Variants in IFT74 observed in about 807,000 individuals in gnomAD.
The protein encoded by IFT74 is intraflagellar transport protein 74 homolog.
IFT74 carries 92 observed loss-of-function variants against 96.7 expected under a neutral mutation model. That is an observed-to-expected ratio of 0.95 (90% CI 0.80 to 1.13). IFT74 has a LOEUF of 1.13. Among genes scored for constraint, IFT74 ranks in the 50% most tolerant of loss-of-function variants. The pLI is 0.00. For missense variants in IFT74, 811 were observed against 698.2 expected (o/e 1.16, Z -1.82); for synonymous variants, 223 against 213.2 (o/e 1.05, Z -0.40).
chr9:27,013,081 A>G (rs1005792942), intron 10 of IFT74, among the ~76,000 whole-genome samples: 52 of 152,242 alleles, frequency 3.4e-4, no homozygotes, highest in Middle Eastern at 3.4e-3. Flanking sequence ...TCAAGTGCTT[A>G]CTGTATGCTT....
At chr9:26,982,356 T>C (rs1388698957) in intron 4 of IFT74, 1 of 443,898 alleles carries the variant, frequency 2.3e-6, no homozygotes, top group South Asian at 1.6e-5. Context: ...TTCCACCGCC[T>C]GGATTCAAGT....
Position 27,060,640 on chromosome 9 carries a change from C to T in IFT74, c.1673C>T (p.Ala558Val), listed in dbSNP as rs199562248. 4.1e-5 allele frequency: 65 copies of T among 1,596,716 alleles called. No individual in the cohort carries two copies. The highest frequency in any genetic ancestry group is 2.0e-4 in the African/African-American group (15 of 74,178). ...KWQHLEQNNF[A>V]MKEFIATKSQ... ...CAACACCTTGAGCAAAATAATTTTG[C>T]GATGAAAGAATGTATCCTTTAAAAA... is the stretch of plus-strand genomic sequence containing the variant. The change falls in exon 19 of 20, where the codon GCG becomes GTG. Residue 558 changes from alanine (A) to valine (V), a missense_variant. Ala to Val is a moderately conservative substitution (Grantham distance 64, BLOSUM62 0). Transcript: ENST00000380062.
chr9:26,961,294 G>A (rs1826346842), intron 1 of IFT74, among the ~76,000 whole-genome samples: 1 of 152,068 alleles, frequency 6.6e-6, no homozygotes, highest in Admixed American at 6.5e-5. Context: ...GTTTCCCTGT[G>A]TTAGCCAGGA....
chr9:26,977,546 TGGCATGATCTC>T (rs2056869092), intron 2 of IFT74, among the ~76,000 whole-genome samples: 1 of 152,206 alleles, frequency 6.6e-6, no homozygotes, highest in African/African-American at 2.4e-5. Context: ...TAGAGTGCAG[TGGCATGATCTC>T]GGCTCACTGC....
In IFT74 at chr9:27,056,352, A is replaced by G; in HGVS notation, c.1516A>G (p.Met506Val). Residue 506 changes from methionine to valine, a missense_variant, in exon 18 of 20, where the codon ATG (methionine) becomes GTG (valine). Transcript: ENST00000380062. ...TTTCTAGAAATTACATCAGGAGAGA[A>G]TGATATTATCAACCCACAGAAATGC... Reference protein sequence around the residue: ...EKIKKLHQERMILSTHRNAFK... With the variant: ...EKIKKLHQERVILSTHRNAFK... 1 of 1,585,650 alleles carries G rather than the reference A, an allele frequency of 6.3e-7. No individual in the cohort carries two copies. Among genetic ancestry groups the G allele is most frequent in the Non-Finnish European group, 8.6e-7 (1 of 1,160,066 alleles).
chr9:26,998,290 G>C, intron 8 of IFT74: 1 of 1,117,916 alleles, frequency 8.9e-7, no homozygotes, highest in Non-Finnish European at 1.2e-6. Flanking sequence ...AAAATTAATA[G>C]AATTTCACCA....
chr9:26,999,765 T>G, intron 8 of IFT74: 1 of 1,120,056 alleles, frequency 8.9e-7, no homozygotes, highest in South Asian at 1.6e-5. Flanking sequence ...TTGAATCTGT[T>G]TATTCTTTTT....
intron 4 of IFT74, 117 bp from the exon 5 acceptor site, chr9:26,984,140 T>C: frequency 2.5e-6 from 2 of 807,546 alleles, no homozygotes; most frequent in Non-Finnish European, 1.8e-6. Flanking sequence ...ATTCTTTTAG[T>C]GAATTTCACA....
chr9:26,989,885 A>G lies in IFT74; in HGVS notation c.526-249A>G, dbSNP rs1827792548. On this transcript the variant is annotated intron_variant, in intron 7 of 19. Coordinates refer to ENST00000380062, the MANE Select transcript of IFT74 (RefSeq NM_025103.4). Reference sequence around the variant, plus strand: ...ACATAAATTGAATTTACATTGAATTATTTGACAGATCACTGAAGAACAATG... The same window carrying G: ...ACATAAATTGAATTTACATTGAATTGTTTGACAGATCACTGAAGAACAATG... Among the ~76,000 whole-genome samples, 3 of 152,210 alleles carry G rather than the reference A, an allele frequency of 2.0e-5. No individual in the cohort carries two copies. In the South Asian group the frequency reaches 6.2e-4, roughly 31 times the overall value.
chr9:26,997,793 A>G lies in IFT74; in HGVS notation c.587+7598A>G, dbSNP rs775353795. 2.1e-5 allele frequency: 34 copies of G among 1,613,986 alleles called. No homozygotes were observed. The South Asian group carries it at 3.3e-4, about 16-fold the overall frequency. ...AAATAGACTGCAAGAGCAGTTCCAT[A>G]GGTTTCCATATAAAGTTATTAATTC... On this transcript the variant is annotated intron_variant, in intron 8 of 19. Transcript: ENST00000380062.
At chr9:27,047,395 G>C in intron 15 of IFT74, 24 bp downstream of exon 15, 1 of 1,421,764 alleles carries the variant, frequency 7.0e-7, no homozygotes, top group Non-Finnish European at 9.7e-7. Flanking sequence ...GCCTGTCTTG[G>C]TGTCCTCTTT....
chr9:26,958,398 G>C (rs1439753781), intron 1 of IFT74, among the ~76,000 whole-genome samples: 3 of 152,214 alleles, frequency 2.0e-5, no homozygotes, highest in African/African-American at 7.2e-5. Context: ...CAAAATGTGT[G>C]TTAGGCAAGG....
chr9:27,028,919 T>C, intron 12 of IFT74, 106 bp from the exon 13 acceptor site: 1 of 952,794 alleles, frequency 1.0e-6, no homozygotes, highest in African/African-American at 1.7e-5. Context: ...ATATTATTTT[T>C]AGATATTGTT....
chr9:27,008,325 A>G (rs1422854909), intron 8 of IFT74, among the ~76,000 whole-genome samples: 2 of 152,132 alleles, frequency 1.3e-5, no homozygotes, highest in Non-Finnish European at 2.9e-5. Context: ...CTTATGGCTA[A>G]AGGATGCTTT....
At chr9:27,029,476 G>A (rs915636704) in intron 13 of IFT74, among the ~76,000 whole-genome samples, 15 of 152,128 alleles carry the variant, frequency 9.9e-5, no homozygotes, top group African/African-American at 3.6e-4. Context: ...GGCCGGGTGT[G>A]GTGGCTCACG....
rs1000213541 is a variant in IFT74 at position 26,988,771 on chromosome 9, T to G, written c.525+43T>G. 3.5e-6 allele frequency: 5 copies of G among 1,439,298 alleles called. No individual in the cohort carries two copies. The Admixed American group carries it at 7.0e-5, about 20-fold the overall frequency. 89.2% of individuals were successfully genotyped at this position (1,439,298 alleles called of 1,614,324 possible). On this transcript the variant is annotated intron_variant, in intron 7 of 19. Transcript: ENST00000380062. ...AGCAAATTGATCTATGTAAGTCATA[T>G]CCTACAAAACAAAGCATTTATATCT...
intron 1 of IFT74, among the ~76,000 whole-genome samples, chr9:26,957,947 G>A (rs750290987): frequency 2.0e-5 from 3 of 151,998 alleles, no homozygotes; most frequent in Non-Finnish European, 4.4e-5. Flanking sequence ...TAGAGATAGG[G>A]TTTCACTATG....
At chr9:27,017,166 A>C (rs1260887694) in intron 11 of IFT74, 116 bp downstream of exon 11, 1 of 665,228 alleles carries the variant, frequency 1.5e-6, no homozygotes, top group Admixed American at 3.0e-5. Context: ...ATTGTCTAAA[A>C]ATAGTTTATG....
In IFT74 at chr9:26,990,195, C is replaced by T. The variant is rs995864839; in HGVS notation, c.587C>T (p.Ala196Val). 7.8e-6 allele frequency: 11 copies of T among 1,409,676 alleles called. No individual in the cohort carries two copies. Among genetic ancestry groups the T allele is most frequent in the Middle Eastern group, 1.9e-4 (1 of 5,396 alleles). The allele number at this position is 1,409,676 out of a possible 1,614,324, so 87.3% of individuals were successfully genotyped here. A position where few individuals can be genotyped will look rare whatever the true frequency, so the allele number is the denominator to read the frequency against. ...GATGTCATATTTACTGAAAGACAAGCGTAAGTATAGCTAATTTAAAAATTA... is the reference window on the plus strand; with the variant it reads ...GATGTCATATTTACTGAAAGACAAGTGTAAGTATAGCTAATTTAAAAATTA... ...SLDVIFTERQ[A>V]KEKQIRSVEE... Residue 196 changes from alanine (A) to valine (V), a missense_variant and splice_region_variant, in exon 8 of 20, where the codon GCG (alanine) becomes GTG (valine). Ala to Val is a moderately conservative substitution (Grantham distance 64, BLOSUM62 0). Transcript: ENST00000380062.
Sources: allele counts gnomAD v4.1 joint callset (sites outside exome capture counted in the v4.1 genomes callset), GRCh38; gene constraint gnomAD v4.1.1; transcripts MANE v1.5; gene names NCBI Gene and HGNC (gene_info 2026-07-23, HGNC 2026-07-21).